Variants in DLG2 observed in about 807,000 individuals in gnomAD.
DLG2 encodes the protein discs large MAGUK scaffold protein 2.
In DLG2, 45 loss-of-function variants were observed where a neutral mutation model predicts 132.5. The observed-to-expected ratio is 0.34, with a 90% CI of 0.27 to 0.44. DLG2 has a LOEUF of 0.44. Among genes scored for constraint, DLG2 ranks in the 20% least tolerant of loss-of-function variants. DLG2 has a pLI of 1.00. For synonymous variants in DLG2, 424 were observed against 419.6 expected (o/e 1.01, Z -0.13); for missense variants, 1,045 against 1,196.9 (o/e 0.87, Z 1.87).
intron 19 of DLG2, among the ~76,000 whole-genome samples, chr11:83,590,822 T>C (rs1481203382): frequency 2.0e-4 from 30 of 151,776 alleles, no homozygotes; most frequent in South Asian, 8.4e-4. Context: ...ACCACCGATC[T>C]CACAGAAATA....
chr11:84,775,158 A>G (rs1273220025), intron 6 of DLG2, among the ~76,000 whole-genome samples: 1 of 152,134 alleles, frequency 6.6e-6, no homozygotes, highest in African/African-American at 2.4e-5. Context: ...ACATACAAGC[A>G]GCCAACAAAC....
intron 4 of DLG2, among the ~76,000 whole-genome samples, chr11:85,212,332 T>C (rs1241030979): frequency 1.3e-5 from 2 of 152,190 alleles, no homozygotes; most frequent in East Asian, 1.9e-4. Context: ...TCTTTCTCCG[T>C]CTTTCTCTCT....
intron 2 of DLG2, among the ~76,000 whole-genome samples, chr11:85,602,052 A>T (rs2153234141): frequency 6.6e-6 from 1 of 152,308 alleles, no homozygotes; most frequent in South Asian, 2.1e-4. Flanking sequence ...TGGATGTCTA[A>T]TAAGCATCTC....
At chr11:84,793,907 G>A (rs993728656) in intron 6 of DLG2, among the ~76,000 whole-genome samples, 2 of 152,108 alleles carry the variant, frequency 1.3e-5, no homozygotes, top group African/African-American at 2.4e-5. Context: ...TGTTATTACT[G>A]ATGAGCAAGA....
chr11:84,656,022 G>A (rs2099687809), intron 6 of DLG2, among the ~76,000 whole-genome samples: 1 of 152,102 alleles, frequency 6.6e-6, no homozygotes, highest in African/African-American at 2.4e-5. Flanking sequence ...ACAAAGAAAA[G>A]ATGTGTTACC....
chr11:84,553,527 A>G (rs1299502610), intron 6 of DLG2, among the ~76,000 whole-genome samples: 1 of 152,216 alleles, frequency 6.6e-6, no homozygotes, highest in African/African-American at 2.4e-5. Context: ...TTGGCCGTAT[A>G]AAGGAGCAGT....
chr11:84,199,832 T>C (rs1216007994), intron 8 of DLG2, among the ~76,000 whole-genome samples: 2 of 152,004 alleles, frequency 1.3e-5, no homozygotes, highest in African/African-American at 4.8e-5. Context: ...CTAACATTCA[T>C]GCAGCTGGAG....
chr11:84,903,701 T>G (rs2091183332), intron 6 of DLG2, among the ~76,000 whole-genome samples: 1 of 152,142 alleles, frequency 6.6e-6, no homozygotes, highest in Non-Finnish European at 1.5e-5. Flanking sequence ...AGGATAGTTG[T>G]GCAGTTCTTT....
intron 4 of DLG2, among the ~76,000 whole-genome samples, chr11:85,215,202 G>A (rs1469424167): frequency 6.6e-6 from 1 of 152,186 alleles, no homozygotes; most frequent in Non-Finnish European, 1.5e-5. Context: ...GAGAGGAGGT[G>A]TTTGATGTTA....
chr11:84,070,613 C>G (rs1024669172), intron 10 of DLG2, among the ~76,000 whole-genome samples: 11 of 152,310 alleles, frequency 7.2e-5, no homozygotes, highest in African/African-American at 2.6e-4. Context: ...TGTACATTTT[C>G]TCAGTCAAGT....
chr11:84,860,903 GA>G (rs891325672), intron 6 of DLG2, among the ~76,000 whole-genome samples: 27 of 146,414 alleles, frequency 1.8e-4, no homozygotes, highest in African/African-American at 4.2e-4. Context: ...TACTAAGAAT[GA>G]AAAAAAAAAT....
chr11:84,928,580 AC>A (rs1210005558), intron 6 of DLG2, among the ~76,000 whole-genome samples: 4 of 151,902 alleles, frequency 2.6e-5, no homozygotes, highest in African/African-American at 9.7e-5. Flanking sequence ...TCTTTTAAAT[AC>A]CTAGACGATT....
At chr11:85,508,373 C>T (rs145452902) in intron 3 of DLG2, among the ~76,000 whole-genome samples, 396 of 152,164 alleles carry the variant, frequency 2.6e-3, no homozygotes, top group Non-Finnish European at 3.2e-3. Flanking sequence ...CTTGCACTTG[C>T]TATTCCCTCT....
chr11:85,316,795 T>A (rs935480351), intron 3 of DLG2, among the ~76,000 whole-genome samples: 9 of 151,930 alleles, frequency 5.9e-5, no homozygotes, highest in South Asian at 2.1e-4. Context: ...TTCAAAAAAA[T>A]TGGGATATTT....
intron 16 of DLG2, among the ~76,000 whole-genome samples, chr11:83,851,912 C>T (rs911408481): frequency 3.3e-5 from 5 of 150,144 alleles, no homozygotes; most frequent in African/African-American, 1.2e-4. Flanking sequence ...GAGCGAGACT[C>T]CGTCTCTTAA....
chr11:85,159,414 A>C (rs769657325), intron 4 of DLG2, among the ~76,000 whole-genome samples: 1 of 152,236 alleles, frequency 6.6e-6, no homozygotes, highest in Non-Finnish European at 1.5e-5. Flanking sequence ...AAACCATTAG[A>C]TCTCCCTCTA....
At chr11:83,724,885 T>C (rs1490838261) in intron 18 of DLG2, 2 of 702,382 alleles carry the variant, frequency 2.8e-6, no homozygotes, top group Non-Finnish European at 5.2e-6. Context: ...TCCAGGGGTT[T>C]TCAGCATAGC....
chr11:83,880,779 G>A (rs550383567), intron 15 of DLG2, among the ~76,000 whole-genome samples: 1 of 152,226 alleles, frequency 6.6e-6, no homozygotes, highest in African/African-American at 2.4e-5. Flanking sequence ...TTACACATGT[G>A]GGAAATATGA....
At chr11:83,642,465 C>T (rs1449314144) in intron 18 of DLG2, among the ~76,000 whole-genome samples, 1 of 152,150 alleles carries the variant, frequency 6.6e-6, no homozygotes, top group Non-Finnish European at 1.5e-5. Flanking sequence ...GAGGTTTCAG[C>T]CAAACACTCA....
Sources: gnomAD v4.1 joint callset for allele counts (sites outside exome capture counted in the v4.1 genomes callset) on GRCh38, gnomAD v4.1.1 for gene constraint, MANE v1.5 for transcripts, NCBI Gene and HGNC (gene_info 2026-07-23, HGNC 2026-07-21) for gene names.